ATP8A2: variants seen among roughly 807,000 people sequenced by gnomAD.
ATP8A2 encodes the protein phospholipid-transporting ATPase IB.
ATP8A2 carries 100 observed loss-of-function variants against 165.6 expected under a neutral mutation model. The observed-to-expected ratio is 0.60, with a 90% confidence interval of 0.51 to 0.71. ATP8A2 has a LOEUF of 0.71. Ranked by LOEUF, ATP8A2 falls within the 30% of genes least tolerant of loss-of-function variation. ATP8A2 has a pLI of 0.00. For synonymous variants in ATP8A2, 543 were observed against 548.8 expected, an observed-to-expected ratio of 0.99 and a Z score of 0.15; for missense variants, 1,227 against 1,479.5, an observed-to-expected ratio of 0.83 and a Z score of 2.80.
At chr13:25,923,656 T>C (rs1414432720) in intron 33 of ATP8A2, among the ~76,000 whole-genome samples, 1 of 150,644 alleles carries the variant, frequency 6.6e-6, no homozygotes, top group Non-Finnish European at 1.5e-5. Context: ...ATAGGCATGA[T>C]CATAAGTCCC....
chr13:25,650,956 G>T (rs1017428670), intron 24 of ATP8A2, among the ~76,000 whole-genome samples: 1 of 151,980 alleles, frequency 6.6e-6, no homozygotes, highest in African/African-American at 2.4e-5. Flanking sequence ...TCATTTTTCT[G>T]CATTGTCCTT....
intron 33 of ATP8A2, among the ~76,000 whole-genome samples, chr13:25,954,730 A>G (rs1955478274): frequency 6.6e-6 from 1 of 152,130 alleles, no homozygotes; most frequent in African/African-American, 2.4e-5. Context: ...CCTCCAGCAA[A>G]CTCCAGCAGA....
At chr13:25,852,339 G>A (rs1379861815) in intron 30 of ATP8A2, among the ~76,000 whole-genome samples, 3 of 152,140 alleles carry the variant, frequency 2.0e-5, no homozygotes, top group Admixed American at 6.5e-5. Flanking sequence ...CCCAGACAAA[G>A]AATTATCTGG....
rs757842160 is a variant in ATP8A2, at chr13:25,860,809, T to G, written c.3024T>G (p.Val1008=). Residue 1008 remains valine (V), a synonymous_variant, in exon 32 of 37, where the codon GTT becomes GTG. Transcript: ENST00000381655. ...LFVGNIVYTY[V]VVTVCLKAGL... ...ACTGTCTTTTATTTTCACAGTATGT[T>G]GTTGTTACTGTTTGTCTGAAAGCTG... The G allele has an allele frequency of 1.3e-6, 2 of 1,594,210 alleles. No homozygotes were observed. The highest frequency in any genetic ancestry group is 1.7e-6 in the Non-Finnish European group (2 of 1,167,496).
intron 30 of ATP8A2, among the ~76,000 whole-genome samples, chr13:25,843,093 A>T (rs1164257602): frequency 2.0e-5 from 3 of 152,208 alleles, no homozygotes; most frequent in African/African-American, 7.2e-5. Flanking sequence ...TCAGCAAGCC[A>T]GGCACTGCCT....
intron 24 of ATP8A2, among the ~76,000 whole-genome samples, chr13:25,697,840 C>T (rs980444026): frequency 2.6e-5 from 4 of 152,190 alleles, no homozygotes; most frequent in Non-Finnish European, 4.4e-5. Flanking sequence ...GACCACAATG[C>T]AGGGCTCTAG....
intron 16 of ATP8A2, among the ~76,000 whole-genome samples, chr13:25,566,474 A>G (rs1274377147): frequency 6.6e-6 from 1 of 152,226 alleles, no homozygotes; most frequent in Non-Finnish European, 1.5e-5. Context: ...GTTGAGGGTA[A>G]CCACAAAGGT....
At chr13:25,392,922 A>T (rs928503859) in intron 1 of ATP8A2, among the ~76,000 whole-genome samples, 7 of 149,188 alleles carry the variant, frequency 4.7e-5, no homozygotes, top group African/African-American at 1.7e-4. Flanking sequence ...CAAAAAAAAA[A>T]CAAAAAAGAA....
intron 30 of ATP8A2, among the ~76,000 whole-genome samples, chr13:25,848,276 C>A (rs1188179789): frequency 6.6e-6 from 1 of 152,240 alleles, no homozygotes; most frequent in Admixed American, 6.5e-5. Context: ...ATGGAGTACA[C>A]CCTCAGCCTC....
At chr13:25,768,769 AG>A (rs1240960217) in intron 25 of ATP8A2, among the ~76,000 whole-genome samples, 4 of 152,178 alleles carry the variant, frequency 2.6e-5, no homozygotes, top group South Asian at 2.1e-4. Context: ...CGTACCCCCG[AG>A]GAGTTTGTGC....
intron 30 of ATP8A2, among the ~76,000 whole-genome samples, chr13:25,853,514 C>A (rs1300821801): frequency 1.3e-5 from 2 of 150,760 alleles, no homozygotes; most frequent in Middle Eastern, 3.2e-3. Flanking sequence ...TAAACAAATA[C>A]TTTGTATGTT....
At chr13:25,567,563 G>A (rs2039352216) in intron 16 of ATP8A2, among the ~76,000 whole-genome samples, 1 of 152,176 alleles carries the variant, frequency 6.6e-6, no homozygotes, top group Non-Finnish European at 1.5e-5. Flanking sequence ...TCCAAACACA[G>A]AGACTTCAAG....
intron 23 of ATP8A2, among the ~76,000 whole-genome samples, chr13:25,584,549 A>C (rs940334058): frequency 1.3e-5 from 2 of 152,198 alleles, no homozygotes; most frequent in African/African-American, 4.8e-5. Context: ...GCCAGGCACT[A>C]TACTAGGAGT....
chr13:26,020,041 G>A lies in ATP8A2; in HGVS notation c.*56G>A, dbSNP rs1019835978. 2 of 1,260,278 alleles carry A rather than the reference G, an allele frequency of 1.6e-6. No homozygotes were observed. Among genetic ancestry groups the A allele is most frequent in the Non-Finnish European group, 1.2e-6 (1 of 862,322 alleles). 78.1% of individuals were successfully genotyped at this position (1,260,278 alleles called of 1,614,324 possible). A position where few individuals can be genotyped will look rare whatever the true frequency, so the allele number is the denominator to read the frequency against. ...AGAGATTCAGTTTGTTGCACCCAGT[G>A]TTAACACATCTTTGTCAGAGAAGAC... On this transcript the variant is annotated 3_prime_UTR_variant, in exon 37 of 37. Transcript: ENST00000381655.
chr13:25,926,671 A>G (rs4770887), intron 33 of ATP8A2, among the ~76,000 whole-genome samples: 69,032 of 152,026 alleles, frequency 0.45, 17,430 homozygotes, highest in East Asian at 0.72. Context: ...AATAAAAATA[A>G]ATGATTTATT....
chr13:25,725,247 C>T (rs960384322), intron 25 of ATP8A2, among the ~76,000 whole-genome samples: 3 of 152,230 alleles, frequency 2.0e-5, no homozygotes. Flanking sequence ...ACTTCCTGTC[C>T]TCTGTGAGCA....
chr13:25,407,588 T>C (rs182350302), intron 1 of ATP8A2, among the ~76,000 whole-genome samples: 49 of 152,164 alleles, frequency 3.2e-4, no homozygotes, highest in Non-Finnish European at 6.5e-4. Flanking sequence ...CCTAGGGAAG[T>C]GGTTATGAGC....
chr13:25,396,476 G>T (rs1015504671), intron 1 of ATP8A2, among the ~76,000 whole-genome samples: 17 of 152,092 alleles, frequency 1.1e-4, no homozygotes, highest in Admixed American at 6.6e-5. Context: ...AGACAATAGG[G>T]CAAAAGAAGG....
chr13:25,392,623 C>G (rs894180116), intron 1 of ATP8A2, among the ~76,000 whole-genome samples: 4 of 152,124 alleles, frequency 2.6e-5, no homozygotes, highest in Admixed American at 6.5e-5. Flanking sequence ...CATAAACTAG[C>G]CTTTTATAAA....
Sources: gnomAD v4.1 joint callset for allele counts (sites outside exome capture counted in the v4.1 genomes callset) on GRCh38, gnomAD v4.1.1 for gene constraint, MANE v1.5 for transcripts, NCBI Gene and HGNC (gene_info 2026-07-23, HGNC 2026-07-21) for gene names.